Variants in FBXL13 observed in about 807,000 individuals in gnomAD.
The protein encoded by FBXL13 is F-box and leucine rich repeat protein 13.
A neutral mutation model predicts 83.6 loss-of-function variants in FBXL13; 67 were observed. That is an observed-to-expected ratio of 0.80 (90% CI 0.66 to 0.98). FBXL13 has a LOEUF of 0.98. Ranked by LOEUF, FBXL13 falls within the 50% of genes least tolerant of loss-of-function variation. The probability of loss-of-function intolerance (pLI) is 0.00; values close to 1 mark genes in which losing one functional copy is unlikely to be tolerated. For missense variants in FBXL13, 822 were observed against 866.5 expected, an observed-to-expected ratio of 0.95 and a Z score of 0.64; for synonymous variants, 272 against 299.5, an observed-to-expected ratio of 0.91 and a Z score of 0.95.
intron 2 of FBXL13, among the ~76,000 whole-genome samples, chr7:103,039,397 A>G (rs148455987): frequency 0.061 from 9,331 of 152,250 alleles, 506 homozygotes; most frequent in East Asian, 0.28. Context: ...GTTAGAAAAC[A>G]CTCTTCAGGA....
At chr7:102,862,295 C>G (rs571974048) in intron 16 of FBXL13, among the ~76,000 whole-genome samples, 2 of 147,242 alleles carry the variant, frequency 1.4e-5, no homozygotes, top group African/African-American at 2.5e-5. Context: ...CACTACTGTA[C>G]TCCAGTCTGG....
chr7:102,985,968 G>A (rs1178666015), intron 6 of FBXL13, among the ~76,000 whole-genome samples: 1 of 152,024 alleles, frequency 6.6e-6, no homozygotes, highest in East Asian at 1.9e-4. Flanking sequence ...TAGAATGCAT[G>A]GGAGATACTC....
intron 18 of FBXL13, among the ~76,000 whole-genome samples, chr7:102,824,112 C>T (rs952026056): frequency 3.3e-5 from 5 of 152,136 alleles, no homozygotes; most frequent in Non-Finnish European, 7.4e-5. Flanking sequence ...TCATGTTGTT[C>T]AATGACTGAT....
chr7:102,858,281 G>A (rs1806316654), intron 16 of FBXL13, among the ~76,000 whole-genome samples: 1 of 152,198 alleles, frequency 6.6e-6, no homozygotes, highest in Non-Finnish European at 1.5e-5. Context: ...AGGATGGGAA[G>A]AGTGGCAGGG....
chr7:102,893,494 C>T (rs181557770), intron 11 of FBXL13, among the ~76,000 whole-genome samples: 23 of 152,252 alleles, frequency 1.5e-4, no homozygotes, highest in Middle Eastern at 3.4e-3. Context: ...AGGCTGGGCG[C>T]GGTGGCTCGC....
At chr7:103,037,667 G>A (rs114644065) in intron 2 of FBXL13, among the ~76,000 whole-genome samples, 1,659 of 152,010 alleles carry the variant, frequency 0.011, 33 homozygotes, top group African/African-American at 0.038. Context: ...TTAGCCAGGT[G>A]TGGTAGCTCA....
intron 9 of FBXL13, among the ~76,000 whole-genome samples, chr7:102,930,967 T>C (rs1819063216): frequency 6.6e-6 from 1 of 152,206 alleles, no homozygotes; most frequent in Admixed American, 6.5e-5. Flanking sequence ...ACACATCTCC[T>C]GCCCTTTGGG....
chr7:102,918,518 T>TA (rs1816350324), intron 10 of FBXL13, among the ~76,000 whole-genome samples: 1 of 152,230 alleles, frequency 6.6e-6, no homozygotes, highest in Non-Finnish European at 1.5e-5. Context: ...TGTAATGTGA[T>TA]ATAAACTACA....
intron 2 of FBXL13, among the ~76,000 whole-genome samples, chr7:103,030,631 GAT>G (rs1463466883): frequency 1.3e-5 from 2 of 151,918 alleles, no homozygotes; most frequent in Admixed American, 6.6e-5. Flanking sequence ...TACAGTAAAT[GAT>G]ATGTCATAAA....
chr7:102,958,008 C>T lies in FBXL13; in HGVS notation c.724+5525G>A, dbSNP rs142152555. Among the ~76,000 whole-genome samples, 722 of 152,242 alleles carry T rather than the reference C, an allele frequency of 4.7e-3. 7 individuals are homozygous for T. The highest frequency in any genetic ancestry group is 0.016 in the African/African-American group (683 of 41,522). Reference sequence around the variant, plus strand: ...CCTCAAGGATCCAGAACTAGAATTACCATTTGACCCAGCAATCCCATTACT... The same window carrying T: ...CCTCAAGGATCCAGAACTAGAATTATCATTTGACCCAGCAATCCCATTACT... On this transcript the variant is annotated intron_variant, in intron 8 of 19. Coordinates refer to ENST00000313221, the Ensembl canonical transcript of FBXL13.
chr7:102,998,973 A>G (rs990728016), intron 6 of FBXL13, among the ~76,000 whole-genome samples: 10 of 152,128 alleles, frequency 6.6e-5, no homozygotes, highest in Non-Finnish European at 2.9e-5. Context: ...AAAGTGGTGA[A>G]AGTGGGCATC....
At position 102,964,925 on chromosome 7, in the gene FBXL13, A is replaced by G. The variant is rs533873736; in HGVS notation, c.592-1260T>C. 1.3e-5 allele frequency among the ~76,000 whole-genome samples: 2 copies of G among 152,336 alleles called. 1 individual carries two copies. The highest frequency in any genetic ancestry group is 4.1e-4 in the South Asian group (2 of 4,832). On this transcript the variant is annotated intron_variant, in intron 7 of 19. Coordinates refer to ENST00000313221, the Ensembl canonical transcript of FBXL13. ...TCCATACAACAGACCACTGGACAAAAGCTGAATTCAGGGCAAAAAAGCACA... is the reference window on the plus strand; with the variant it reads ...TCCATACAACAGACCACTGGACAAAGGCTGAATTCAGGGCAAAAAAGCACA...
intron 17 of FBXL13, among the ~76,000 whole-genome samples, chr7:102,842,101 T>G (rs902591733): frequency 1.3e-5 from 2 of 152,188 alleles, no homozygotes; most frequent in Non-Finnish European, 2.9e-5. Flanking sequence ...AAGAGAGACT[T>G]TGCCAAGCAA....
chr7:103,060,380 G>A (rs1386825835), intron 1 of FBXL13, among the ~76,000 whole-genome samples: 1 of 151,938 alleles, frequency 6.6e-6, no homozygotes, highest in Non-Finnish European at 1.5e-5. Context: ...CCATTCCACT[G>A]TTAATTATCA....
chr7:102,916,827 T>C (rs1287014826), intron 10 of FBXL13, among the ~76,000 whole-genome samples: 1 of 152,096 alleles, frequency 6.6e-6, no homozygotes, highest in Non-Finnish European at 1.5e-5. Context: ...GTGATTTATT[T>C]ATTTATTTTT....
At chr7:103,003,292 T>TG (rs1482417116) in intron 6 of FBXL13, among the ~76,000 whole-genome samples, 33 of 127,632 alleles carry the variant, frequency 2.6e-4, no homozygotes, top group African/African-American at 8.9e-4. Flanking sequence ...TTTTTTTTTT[T>TG]TTTTTTTTTT....
chr7:102,843,480 G>C (rs1200570760), intron 17 of FBXL13, among the ~76,000 whole-genome samples: 2 of 151,868 alleles, frequency 1.3e-5, no homozygotes, highest in African/African-American at 4.8e-5. Flanking sequence ...ACCTGCCACA[G>C]CTTTTAAAGA....
intron 11 of FBXL13, among the ~76,000 whole-genome samples, chr7:102,895,784 G>A (rs1254337572): frequency 6.6e-6 from 1 of 152,128 alleles, no homozygotes; most frequent in African/African-American, 2.4e-5. Context: ...TGTACAAGTA[G>A]GATAGCTTTG....
chr7:102,830,549 A>G (rs1800483047), intron 18 of FBXL13, among the ~76,000 whole-genome samples: 1 of 152,210 alleles, frequency 6.6e-6, no homozygotes, highest in East Asian at 1.9e-4. Flanking sequence ...AGTTCTAAAC[A>G]AGTATATTAT....
Sources: allele counts gnomAD v4.1 joint callset (sites outside exome capture counted in the v4.1 genomes callset), GRCh38; gene constraint gnomAD v4.1.1; transcripts MANE v1.5; gene names NCBI Gene and HGNC (gene_info 2026-07-23, HGNC 2026-07-21).